PAK1: variants seen among roughly 807,000 people sequenced by gnomAD.
PAK1 encodes p21 (RAC1) activated kinase 1, also known as serine/threonine-protein kinase PAK 1.
In PAK1, 29 loss-of-function variants were observed where a neutral mutation model predicts 67.4. The observed-to-expected ratio is 0.43, with a 90% CI of 0.32 to 0.59. The LOEUF is 0.59. Among genes scored for constraint, PAK1 ranks in the 20% least tolerant of loss-of-function variants. The pLI is 0.07. For synonymous variants in PAK1, 223 were observed against 237.4 expected, an observed-to-expected ratio of 0.94 and a Z score of 0.56; for missense variants, 337 against 670.7, an observed-to-expected ratio of 0.50 and a Z score of 5.50.
intron 5 of PAK1, 142 bp downstream of exon 5, chr11:77,374,186 T>C: frequency 2.1e-6 from 1 of 466,506 alleles, no homozygotes; most frequent in Middle Eastern, 2.9e-4. Flanking sequence ...AATTTCTTTA[T>C]TGGATAGATA....
At chr11:77,489,550 C>T in the PAK1 span, among the ~76,000 whole-genome samples, 2 of 152,202 alleles carry the variant, frequency 1.3e-5, no homozygotes, top group African/African-American at 2.4e-5. Flanking sequence ...ACCTCCCTGC[C>T]TGATTCTCCT....
chr11:77,348,765 A>C (rs1368012760), intron 9 of PAK1, among the ~76,000 whole-genome samples: 1 of 152,118 alleles, frequency 6.6e-6, no homozygotes, highest in Admixed American at 6.5e-5. Context: ...ATTTCACCTT[A>C]GTCCAAACCT....
At chr11:77,425,792 T>A (rs1418897470) in intron 1 of PAK1, among the ~76,000 whole-genome samples, 1 of 152,152 alleles carries the variant, frequency 6.6e-6, no homozygotes, top group Non-Finnish European at 1.5e-5. Flanking sequence ...TTTCCCAAAT[T>A]ATCCTAGCTA....
chr11:77,400,334 T>C (rs754155358), intron 1 of PAK1, among the ~76,000 whole-genome samples: 2 of 152,218 alleles, frequency 1.3e-5, no homozygotes, highest in Non-Finnish European at 2.9e-5. Context: ...CTGCACCACG[T>C]AGAGCACTAG....
At chr11:77,489,622 T>A in the PAK1 span, among the ~76,000 whole-genome samples, 170 of 152,158 alleles carry the variant, frequency 1.1e-3, no homozygotes, top group African/African-American at 4.0e-3. Flanking sequence ...CTGGTTTTCG[T>A]ATTTTTTTGG....
At chr11:77,350,320 C>A (rs1325096218) in intron 8 of PAK1, among the ~76,000 whole-genome samples, 2 of 152,122 alleles carry the variant, frequency 1.3e-5, no homozygotes, top group African/African-American at 4.8e-5. Context: ...GCCCCACCCC[C>A]AAGGTAAGAA....
chr11:77,433,505 C>A (rs1409894002), intron 1 of PAK1, among the ~76,000 whole-genome samples: 1 of 152,140 alleles, frequency 6.6e-6, no homozygotes, highest in Non-Finnish European at 1.5e-5. Flanking sequence ...AGAGGCTGGG[C>A]GCAGTGGCTC....
chr11:77,386,173 GT>G (rs1234789612), intron 2 of PAK1, among the ~76,000 whole-genome samples: 1 of 152,158 alleles, frequency 6.6e-6, no homozygotes, highest in Non-Finnish European at 1.5e-5. Context: ...AAAATCCCAT[GT>G]CTTGGTATAG....
chr11:77,340,786 T>C, intron 10 of PAK1, 23 bp from the exon 11 acceptor site: 1 of 1,245,992 alleles, frequency 8.0e-7, no homozygotes, highest in Non-Finnish European at 1.2e-6. Flanking sequence ...AGATAAAGGG[T>C]GAGAGAGAAC....
chr11:77,409,293 A>G (rs956552308), intron 1 of PAK1, among the ~76,000 whole-genome samples: 1 of 152,048 alleles, frequency 6.6e-6, no homozygotes, highest in Non-Finnish European at 1.5e-5. Flanking sequence ...AGAAAAAGAC[A>G]GGCAATAACA....
At position 77,332,783 on chromosome 11, in the gene PAK1, G is replaced by T; in HGVS notation, c.1498C>A (p.Arg500Ser). 6.2e-7 allele frequency: 1 copy of T among 1,613,558 alleles called. No homozygotes were observed. The highest frequency in any genetic ancestry group is 8.5e-7 in the Non-Finnish European group (1 of 1,179,508). ...TTCTCCACATCCATCTCGAGACAGC[G>T]GTTCAGAAAGTCCCGGAAGATAGCT... Reference protein sequence around the residue: ...LSAIFRDFLNRCLEMDVEKRG... With the variant: ...LSAIFRDFLNSCLEMDVEKRG... Residue 500 changes from arginine (R) to serine (S), a missense_variant, in exon 14 of 15, where the codon CGC becomes AGC. Physicochemically the swap from Arg to Ser is moderately radical, Grantham distance 110. Around this residue, in one of 8 missense-constraint regions of PAK1, gnomAD observed 71 missense variants for 160.5 expected, o/e 0.44. Coordinates refer to ENST00000356341, the MANE Select transcript of PAK1 (RefSeq NM_002576.5).
At chr11:77,515,304 G>A in the PAK1 span, among the ~76,000 whole-genome samples, 5 of 152,246 alleles carry the variant, frequency 3.3e-5, no homozygotes, top group Admixed American at 2.0e-4. Context: ...GTGTCATGGC[G>A]GTGTTATGTG....
At chr11:77,356,820 A>T (rs754503677) in intron 6 of PAK1, among the ~76,000 whole-genome samples, 1 of 152,232 alleles carries the variant, frequency 6.6e-6, no homozygotes, top group South Asian at 2.1e-4. Flanking sequence ...ACTACAAGGC[A>T]GAAAGTGATA....
At chr11:77,389,439 A>C (rs1472736145) in intron 2 of PAK1, among the ~76,000 whole-genome samples, 1 of 152,232 alleles carries the variant, frequency 6.6e-6, no homozygotes, top group Non-Finnish European at 1.5e-5. Context: ...GAACTGCCAG[A>C]CTGTTTTCCA....
At chr11:77,465,642 GA>G (rs1957562013) in intron 1 of PAK1, among the ~76,000 whole-genome samples, 1 of 152,040 alleles carries the variant, frequency 6.6e-6, no homozygotes, top group African/African-American at 2.4e-5. Context: ...TTCCATATGA[GA>G]AAATAAGTGG....
chr11:77,324,334 G>A (rs577517392), intron 14 of PAK1, among the ~76,000 whole-genome samples: 119 of 151,910 alleles, frequency 7.8e-4, no homozygotes, highest in African/African-American at 2.8e-3. Flanking sequence ...CACCACACCT[G>A]GCTAATTTTT....
chr11:77,496,534 A>C, the PAK1 span, among the ~76,000 whole-genome samples: 1 of 151,808 alleles, frequency 6.6e-6, no homozygotes, highest in South Asian at 2.1e-4. Context: ...CTGAGGTGGG[A>C]GGATTGTTTG....
intron 1 of PAK1, among the ~76,000 whole-genome samples, chr11:77,401,783 T>C (rs1018967559): frequency 6.6e-6 from 1 of 152,204 alleles, no homozygotes; most frequent in Non-Finnish European, 1.5e-5. Flanking sequence ...CTACTTCTGC[T>C]CCCGAAATGT....
the PAK1 span, among the ~76,000 whole-genome samples, chr11:77,488,834 T>C: frequency 1.3e-5 from 2 of 152,076 alleles, no homozygotes; most frequent in African/African-American, 2.4e-5. Context: ...CTAAGACTTA[T>C]TGGCCATAAA....
Sources: allele counts gnomAD v4.1 joint callset (sites outside exome capture counted in the v4.1 genomes callset), GRCh38; gene constraint gnomAD v4.1.1; regional missense constraint gnomAD v4.1.1; transcripts MANE v1.5; gene names NCBI Gene and HGNC (gene_info 2026-07-23, HGNC 2026-07-21).